The following UNC93B1 variants were observed in gnomAD, a reference collection of about 807,000 sequenced individuals.
The protein encoded by UNC93B1 is unc-93B1 regulator of TLR signaling.
A neutral mutation model predicts 56.8 loss-of-function variants in UNC93B1; 33 were observed. That is an observed-to-expected ratio of 0.58 (90% CI 0.44 to 0.78). UNC93B1 has a LOEUF of 0.78. UNC93B1 is among the 30% of genes least tolerant of loss of function. The probability of loss-of-function intolerance (pLI) is 0.00; values close to 1 mark genes in which losing one functional copy is unlikely to be tolerated. For synonymous variants in UNC93B1, 334 were observed against 358.6 expected, an observed-to-expected ratio of 0.93 and a Z score of 0.77; for missense variants, 673 against 819.5, an observed-to-expected ratio of 0.82 and a Z score of 2.18.
Position 68,003,634 on chromosome 11 carries a change from C to G in UNC93B1, c.238+23G>C, listed in dbSNP as rs985880111. ...CGGGCTGGGAGCGGGCGGGGCGGCC[C>G]CGGGTCCCCGAGCGGCACCTACCCA... On this transcript the variant is annotated intron_variant, in intron 2 of 10. Coordinates refer to ENST00000227471, the MANE Select transcript of UNC93B1 (RefSeq NM_030930.4). This position sits in a 1 kb window ranked among gnomAD's most constrained non-coding sequence, Gnocchi z 4.4. 94 of 1,509,796 alleles carry G rather than the reference C, an allele frequency of 6.2e-5. 1 individual carries two copies. In the Admixed American group the frequency reaches 1.4e-3, roughly 23 times the overall value. 93.5% of individuals were successfully genotyped at this position (1,509,796 alleles called of 1,614,324 possible).
At chr11:67,997,483 C>T (rs1856967804) in intron 7 of UNC93B1, 192 bp downstream of exon 7, 5 of 995,940 alleles carry the variant, frequency 5.0e-6, no homozygotes, top group African/African-American at 1.6e-5. Context: ...GCCCCGCCTC[C>T]GAGCCTCATG....
chr11:67,993,710 A>G lies in UNC93B1; in HGVS notation c.1448T>C (p.Phe483Ser). 7.8e-6 allele frequency: 10 copies of G among 1,275,132 alleles called. No individual in the cohort carries two copies. The highest frequency in any genetic ancestry group is 9.9e-6 in the Non-Finnish European group (9 of 908,784). The allele number at this position is 1,275,132 out of a possible 1,614,324, so 79.0% of individuals were successfully genotyped here. Residue 483 changes from phenylalanine (F) to serine (S), a missense_variant, in exon 10 of 11, where the codon TTC becomes TCC. Physicochemically the swap from Phe to Ser is radical, Grantham distance 155. This residue lies in a region of UNC93B1 where 155 missense variants were observed against 268.3 expected (regional missense o/e 0.58). Coordinates refer to ENST00000227471, the MANE Select transcript of UNC93B1 (RefSeq NM_030930.4). ...CAGGCTCGAGCCCAGGTACACGGTG[A>G]AGATGGCCACAGCCTGCCACCAGTG... ...IYHWWQAVAIFTVYLGSSLHM... is the reference protein window; with the variant it reads ...IYHWWQAVAISTVYLGSSLHM...
At chr11:68,000,652 G>T (rs575190941) in intron 3 of UNC93B1, among the ~76,000 whole-genome samples, 3 of 152,066 alleles carry the variant, frequency 2.0e-5, no homozygotes, top group African/African-American at 7.2e-5. Context: ...GCAACAGCAA[G>T]ATTGCTCAAA....
chr11:67,991,627 A>G lies in UNC93B1; in HGVS notation c.1713T>C (p.Pro571=), dbSNP rs565846179. 2,080 of 1,504,952 alleles carry G rather than the reference A, an allele frequency of 1.4e-3. 35 individuals are homozygous for G. The South Asian group carries it at 0.021, about 15-fold the overall frequency. 93.2% of individuals were successfully genotyped at this position (1,504,952 alleles called of 1,614,324 possible). Residue 571 remains proline (P), a synonymous_variant, in exon 11 of 11, where the codon CCT becomes CCC. Transcript: ENST00000227471. The part of the protein sequence containing the change: ...EEEAPPAGPR[P]GPEPAGLGRR... ...GGCCGAGTCCAGCGGGCTCGGGGCC[A>G]GGCCTGGGCCCTGCGGGCGGCGCCT... is the stretch of plus-strand genomic sequence containing the variant.
chr11:67,994,427 T>A (rs1332608639), intron 9 of UNC93B1, among the ~76,000 whole-genome samples: 3 of 152,268 alleles, frequency 2.0e-5, no homozygotes, highest in South Asian at 2.1e-4. Context: ...AGTGAGAAAG[T>A]GGGCATGGCA....
At chr11:68,002,966 C>A in intron 3 of UNC93B1, 56 bp downstream of exon 3, 1 of 1,548,202 alleles carries the variant, frequency 6.5e-7, no homozygotes, top group South Asian at 1.2e-5. Flanking sequence ...CCGCCGGCCT[C>A]TGTACCCCTC....
chr11:67,994,904 C>T (rs960785855), intron 9 of UNC93B1, among the ~76,000 whole-genome samples: 4 of 152,210 alleles, frequency 2.6e-5, no homozygotes, highest in African/African-American at 4.8e-5. Context: ...TGTTTCACTG[C>T]GTGTGCCCAT....
At chr11:67,992,720 G>A (rs1356559618) in intron 10 of UNC93B1, among the ~76,000 whole-genome samples, 7 of 145,880 alleles carry the variant, frequency 4.8e-5, no homozygotes, top group African/African-American at 1.5e-4. Context: ...GCTGAAGTGC[G>A]GTGGCGCGAT....
chr11:67,997,551 G>C, intron 7 of UNC93B1, 124 bp downstream of exon 7: 2 of 1,510,984 alleles, frequency 1.3e-6, no homozygotes, highest in Non-Finnish European at 8.9e-7. Flanking sequence ...CCAGGCCTAC[G>C]GCCTGCCCCG....
chr11:67,998,610 C>T lies in UNC93B1; in HGVS notation c.688-158G>A, dbSNP rs572640394. On this transcript the variant is annotated intron_variant, in intron 5 of 10. Transcript: ENST00000227471. ...TACAGGGCCGCCCAATGAGGAAGAC[C>T]TCCTCCTGGCCAGCATTGTGGAAAA... Among the ~76,000 whole-genome samples, 96 of 152,174 alleles carry T rather than the reference C, an allele frequency of 6.3e-4. 1 individual carries two copies. The highest frequency in any genetic ancestry group is 1.1e-3 in the Non-Finnish European group (76 of 68,022).
chr11:67,992,565 T>C (rs537581428), intron 10 of UNC93B1, among the ~76,000 whole-genome samples: 1 of 152,004 alleles, frequency 6.6e-6, no homozygotes. Flanking sequence ...CTTGAACTCC[T>C]GGCCTCAAGC....
rs1467795607 is a variant in UNC93B1 at position 67,998,858 on chromosome 11, C to T, written c.687+315G>A. On this transcript the variant is annotated intron_variant, in intron 5 of 10. Coordinates refer to ENST00000227471, the MANE Select transcript of UNC93B1 (RefSeq NM_030930.4). The stretch of plus-strand genomic sequence containing the variant: ...GTTGCAGTGAGCTGTGACTGCACTA[C>T]TGCACTCCAGCCTGGGCAACAGTGC... Among the ~76,000 whole-genome samples, 3 of 151,938 alleles carry T rather than the reference C, an allele frequency of 2.0e-5. No individual in the cohort carries two copies. In the South Asian group the frequency reaches 6.2e-4, roughly 32 times the overall value.
At chr11:67,996,113 C>A (rs1343698578) in intron 8 of UNC93B1, 35 of 221,206 alleles carry the variant, frequency 1.6e-4, no homozygotes, top group Non-Finnish European at 2.9e-4. Flanking sequence ...CTCCCCGCAT[C>A]GCGGGGGGGT....
chr11:67,991,483 C>T lies in UNC93B1; in HGVS notation c.*63G>A, dbSNP rs527367958. 6.9e-5 allele frequency: 93 copies of T among 1,357,400 alleles called. No homozygotes were observed. The African/African-American group carries it at 1.4e-3, about 20-fold the overall frequency. 84.1% of individuals were successfully genotyped at this position (1,357,400 alleles called of 1,614,324 possible). ...CGGGACTCGGAGGGGGTCCCCCCGA[C>T]CTCAGACGTGGTAAACTGAGGCCGG... On this transcript the variant is annotated 3_prime_UTR_variant, in exon 11 of 11. Transcript: ENST00000227471.
At chr11:68,002,894 A>T (rs926819897) in intron 3 of UNC93B1, 128 bp downstream of exon 3, 60 of 1,279,164 alleles carry the variant, frequency 4.7e-5, no homozygotes, top group Middle Eastern at 2.7e-4. Context: ...TTCCGGGTAG[A>T]AAAAAACCTC....
In UNC93B1 at chr11:67,996,801, T is replaced by A. The variant is rs753436753; in HGVS notation, c.907-17A>T. 8 of 1,523,858 alleles carry A rather than the reference T, an allele frequency of 5.2e-6. No individual in the cohort carries two copies. Among genetic ancestry groups the A allele is most frequent in the Non-Finnish European group, 7.1e-6 (8 of 1,128,822 alleles). The allele number at this position is 1,523,858 out of a possible 1,614,324, so 94.4% of individuals were successfully genotyped here. A position where few individuals can be genotyped will look rare whatever the true frequency, so the allele number is the denominator to read the frequency against. On this transcript the variant is annotated splice_polypyrimidine_tract_variant and intron_variant, in intron 7 of 10. Transcript: ENST00000227471. ...ACCCAGCACCTGCGAACCCATTACT[T>A]GAAGGGGCGGCCAGCCAGGCCCAGG...
In UNC93B1 at chr11:68,003,601, T is replaced by A. The variant is rs892236391; in HGVS notation, c.238+56A>T. Reference sequence around the variant, plus strand: ...GAGGCGGCGGCCCGCGGTTTCTGTTTCCCGGGCCGGGCTGGGAGCGGGCGG... The same window carrying A: ...GAGGCGGCGGCCCGCGGTTTCTGTTACCCGGGCCGGGCTGGGAGCGGGCGG... On this transcript the variant is annotated intron_variant, in intron 2 of 10. Transcript: ENST00000227471. The surrounding 1 kb of genome is among the most constrained non-coding windows in gnomAD (Gnocchi z 4.4). 8.8e-6 allele frequency: 13 copies of A among 1,479,798 alleles called. No individual in the cohort carries two copies. The Admixed American group carries it at 2.0e-4, about 22-fold the overall frequency. 91.7% of individuals were successfully genotyped at this position (1,479,798 alleles called of 1,614,324 possible).
rs1259087580 is a variant in UNC93B1 at position 68,003,685 on chromosome 11, C to T, written c.210G>A (p.Gly70=). Residue 70 remains glycine, a synonymous_variant, in exon 2 of 11, where the codon GGG becomes GGA. Coordinates refer to ENST00000227471, the MANE Select transcript of UNC93B1 (RefSeq NM_030930.4). This position sits in a 1 kb window ranked among gnomAD's most constrained non-coding sequence, Gnocchi z 4.4. ...VLKNVLAASA[G]GMLTYGVYLG... is the part of the protein sequence containing the mutation. ...GGTAGACGCCGTAGGTGAGCATGCC[C>T]CCGGCGCTGGCAGCCAGCACGTTCT... 6.5e-7 allele frequency: 1 copy of T among 1,529,740 alleles called. No individual in the cohort carries two copies. Among genetic ancestry groups the T allele is most frequent in the South Asian group, 1.2e-5 (1 of 82,744 alleles). 94.8% of individuals were successfully genotyped at this position (1,529,740 alleles called of 1,614,324 possible).
chr11:67,994,038 C>A (rs142750673), intron 9 of UNC93B1, among the ~76,000 whole-genome samples: 1 of 152,152 alleles, frequency 6.6e-6, no homozygotes, highest in Non-Finnish European at 1.5e-5. Flanking sequence ...CAGGTGTTCC[C>A]GCTCCGCACC....
Sources: allele counts gnomAD v4.1 joint callset (sites outside exome capture counted in the v4.1 genomes callset), GRCh38; gene constraint gnomAD v4.1.1; regional missense constraint gnomAD v4.1.1; non-coding constraint Gnocchi (gnomAD v3.1); transcripts MANE v1.5; gene names NCBI Gene and HGNC (gene_info 2026-07-23, HGNC 2026-07-21).